MOB3B: variants seen among roughly 807,000 people sequenced by gnomAD.
The protein encoded by MOB3B is MOB kinase activator 3B, also known as MOB kinase activator-like 2B.
In MOB3B, 7 loss-of-function variants were observed where a neutral mutation model predicts 18.7. The observed-to-expected ratio is 0.37, with a 90% confidence interval of 0.21 to 0.70. The LOEUF (loss-of-function observed/expected upper bound fraction) is 0.70. Among genes scored for constraint, MOB3B ranks in the 30% least tolerant of loss-of-function variants. MOB3B has a pLI of 0.52. For synonymous variants in MOB3B, 111 were observed against 99.9 expected (o/e 1.11, Z -0.66); for missense variants, 253 against 281.3 (o/e 0.90, Z 0.72).
intron 3 of MOB3B, among the ~76,000 whole-genome samples, chr9:27,334,239 A>G (rs906215588): frequency 4.6e-5 from 7 of 152,294 alleles, no homozygotes; most frequent in Admixed American, 2.6e-4. Flanking sequence ...AACATGATAA[A>G]TTTATCTTTG....
intron 2 of MOB3B, among the ~76,000 whole-genome samples, chr9:27,432,329 G>T (rs920773769): frequency 6.6e-6 from 1 of 152,100 alleles, no homozygotes; most frequent in South Asian, 2.1e-4. Flanking sequence ...CAATCACAGG[G>T]TTATTGCCAT....
chr9:27,503,757 AGCT>A (rs1820020617), intron 1 of MOB3B, among the ~76,000 whole-genome samples: 2 of 152,214 alleles, frequency 1.3e-5, no homozygotes, highest in Non-Finnish European at 2.9e-5. Flanking sequence ...GGCAGCTTTC[AGCT>A]GAGGGCCTCT....
At chr9:27,493,449 G>T (rs1253894808) in intron 1 of MOB3B, among the ~76,000 whole-genome samples, 1 of 152,076 alleles carries the variant, frequency 6.6e-6, no homozygotes, top group Non-Finnish European at 1.5e-5. Context: ...GACCATCCTG[G>T]CTAACATGGT....
At chr9:27,482,066 A>G (rs1349828006) in intron 1 of MOB3B, among the ~76,000 whole-genome samples, 2 of 152,200 alleles carry the variant, frequency 1.3e-5, no homozygotes, top group Admixed American at 1.3e-4. Context: ...AATAAAATGC[A>G]AAAACAAAAA....
intron 1 of MOB3B, among the ~76,000 whole-genome samples, chr9:27,481,883 T>C (rs1353452694): frequency 6.6e-6 from 1 of 152,152 alleles, no homozygotes; most frequent in Non-Finnish European, 1.5e-5. Flanking sequence ...ATGTCACATA[T>C]GTTAACTTTC....
chr9:27,439,333 C>T (rs924360666), intron 2 of MOB3B, among the ~76,000 whole-genome samples: 1 of 152,182 alleles, frequency 6.6e-6, no homozygotes, highest in African/African-American at 2.4e-5. Flanking sequence ...CTCTAATAAT[C>T]ATTTATTTTT....
intron 2 of MOB3B, among the ~76,000 whole-genome samples, chr9:27,408,421 C>A (rs886831744): frequency 1.3e-5 from 2 of 152,138 alleles, no homozygotes; most frequent in African/African-American, 4.8e-5. Flanking sequence ...TGAGATGGGG[C>A]ACGTATTTTC....
intron 1 of MOB3B, among the ~76,000 whole-genome samples, chr9:27,488,814 A>C (rs1234743696): frequency 1.3e-5 from 2 of 152,216 alleles, no homozygotes; most frequent in East Asian, 1.9e-4. Flanking sequence ...TGGTCAGCAC[A>C]GAAAGGAGAA....
chr9:27,412,009 A>AT (rs1405944843), intron 2 of MOB3B, among the ~76,000 whole-genome samples: 4 of 152,170 alleles, frequency 2.6e-5, no homozygotes, highest in Non-Finnish European at 5.9e-5. Flanking sequence ...ATTAATTAAG[A>AT]TAAAAAAAGA....
At chr9:27,471,262 C>T (rs898918236) in intron 1 of MOB3B, among the ~76,000 whole-genome samples, 8 of 152,028 alleles carry the variant, frequency 5.3e-5, no homozygotes, top group South Asian at 2.1e-4. Flanking sequence ...TTTCCTGAGG[C>T]GAATAGGCAG....
chr9:27,455,734 A>AC lies in MOB3B; in HGVS notation c.-185dup. 1 of 1,446,308 alleles carries AC rather than the reference A, an allele frequency of 6.9e-7. No homozygotes were observed. Among genetic ancestry groups the AC allele is most frequent in the South Asian group, 1.5e-5 (1 of 67,694 alleles). The allele number at this position is 1,446,308 out of a possible 1,614,324, so 89.6% of individuals were successfully genotyped here. ...TTCCTCTTGAATGATTTCCAAGGGAACCTCATGTTCTTTCCTAAAGGTAGA... is the reference window on the plus strand; with the variant it reads ...TTCCTCTTGAATGATTTCCAAGGGAACCCTCATGTTCTTTCCTAAAGGTAGA... On this transcript the variant is annotated 5_prime_UTR_variant, in exon 2 of 4. The change abolishes the stop of an existing upstream ORF in the 5' untranslated region. Transcript: ENST00000262244.
chr9:27,477,947 T>C (rs1036029961), intron 1 of MOB3B, among the ~76,000 whole-genome samples: 2 of 152,022 alleles, frequency 1.3e-5, no homozygotes, highest in Non-Finnish European at 2.9e-5. Context: ...AAAATATCCA[T>C]TTACATAAAA....
intron 2 of MOB3B, among the ~76,000 whole-genome samples, chr9:27,417,791 G>A (rs144932678): frequency 3.2e-4 from 48 of 151,888 alleles, no homozygotes; most frequent in East Asian, 9.7e-4. Context: ...GGCCGGGTGC[G>A]GTGGCTCACG....
chr9:27,478,976 G>A (rs146063932), intron 1 of MOB3B, among the ~76,000 whole-genome samples: 29 of 152,168 alleles, frequency 1.9e-4, no homozygotes, highest in African/African-American at 6.3e-4. Context: ...CAATAATACA[G>A]AGGCCAGATG....
chr9:27,384,919 C>T (rs566535075), intron 2 of MOB3B, among the ~76,000 whole-genome samples: 2 of 152,170 alleles, frequency 1.3e-5, no homozygotes, highest in Non-Finnish European at 2.9e-5. Context: ...GCCTCCAGTC[C>T]CTCTGCCAGG....
At chr9:27,453,348 T>C (rs1173051107) in intron 2 of MOB3B, among the ~76,000 whole-genome samples, 1 of 152,148 alleles carries the variant, frequency 6.6e-6, no homozygotes, top group Non-Finnish European at 1.5e-5. Context: ...AAAATACAAG[T>C]ATGCAATGGA....
chr9:27,374,683 A>G (rs2131369781), intron 2 of MOB3B, among the ~76,000 whole-genome samples: 1 of 152,292 alleles, frequency 6.6e-6, no homozygotes, highest in African/African-American at 2.4e-5. Flanking sequence ...TCTTTGGACT[A>G]CATATTTTTA....
chr9:27,444,070 C>T (rs1822638930), intron 2 of MOB3B, among the ~76,000 whole-genome samples: 1 of 151,504 alleles, frequency 6.6e-6, no homozygotes. Context: ...CCTCCTGTGA[C>T]ATTCCAGTAA....
At chr9:27,418,429 A>G (rs1442727168) in intron 2 of MOB3B, among the ~76,000 whole-genome samples, 1 of 152,190 alleles carries the variant, frequency 6.6e-6, no homozygotes, top group African/African-American at 2.4e-5. Flanking sequence ...AGATGCTAAA[A>G]TCCTTAAAAA....
Sources: allele counts gnomAD v4.1 joint callset (sites outside exome capture counted in the v4.1 genomes callset), GRCh38; gene constraint gnomAD v4.1.1; transcripts MANE v1.5; gene names NCBI Gene and HGNC (gene_info 2026-07-23, HGNC 2026-07-21).